Variants in DOCK4 observed in about 807,000 individuals in gnomAD.
The protein encoded by DOCK4 is dedicator of cytokinesis 4.
A neutral mutation model predicts 268.1 loss-of-function variants in DOCK4; 97 were observed. That is an observed-to-expected ratio of 0.36 (90% CI 0.31 to 0.43). The LOEUF is 0.43. Ranked by LOEUF, DOCK4 falls within the 20% of genes least tolerant of loss-of-function variation. DOCK4 has a pLI of 1.00. For synonymous variants in DOCK4, 954 were observed against 887.2 expected (o/e 1.08, Z -1.34); for missense variants, 2,145 against 2,455.7 (o/e 0.87, Z 2.67).
At chr7:112,148,798 T>A (rs1373689462) in intron 1 of DOCK4, among the ~76,000 whole-genome samples, 1 of 152,156 alleles carries the variant, frequency 6.6e-6, no homozygotes, top group African/African-American at 2.4e-5. Context: ...TGATTCAGGT[T>A]TCTGAAAGGA....
chr7:112,164,402 G>C (rs1201513114), intron 1 of DOCK4, among the ~76,000 whole-genome samples: 1 of 152,126 alleles, frequency 6.6e-6, no homozygotes, highest in Non-Finnish European at 1.5e-5. Context: ...CTGTCTTAAA[G>C]TCTGCATATA....
intron 44 of DOCK4, among the ~76,000 whole-genome samples, chr7:111,745,683 TAAAAAA>T (rs781530065): frequency 1.0e-4 from 5 of 49,614 alleles, no homozygotes; most frequent in African/African-American, 3.6e-4. Flanking sequence ...GACTCCGTCT[TAAAAAA>T]AAAAAAAAAA....
chr7:112,149,491 G>C (rs1586924534), intron 1 of DOCK4, among the ~76,000 whole-genome samples: 1 of 151,266 alleles, frequency 6.6e-6, no homozygotes, highest in East Asian at 1.9e-4. Context: ...AGGAAAGAAA[G>C]AAATGACTTA....
chr7:112,054,891 T>A (rs1805680538), intron 1 of DOCK4, among the ~76,000 whole-genome samples: 1 of 152,200 alleles, frequency 6.6e-6, no homozygotes, highest in Non-Finnish European at 1.5e-5. Context: ...TTGTTTCATT[T>A]AAAAAGAAAC....
At chr7:111,781,217 G>A (rs115699512) in intron 35 of DOCK4, among the ~76,000 whole-genome samples, 1,861 of 152,294 alleles carry the variant, frequency 0.012, 44 homozygotes, top group African/African-American at 0.042. Flanking sequence ...AAGGCTTTGA[G>A]GTTATTTATG....
intron 27 of DOCK4, among the ~76,000 whole-genome samples, chr7:111,812,936 A>C (rs963622520): frequency 6.6e-6 from 1 of 152,346 alleles, no homozygotes; most frequent in East Asian, 1.9e-4. Context: ...GGAGATTTTA[A>C]AAAGAAGGAT....
intron 1 of DOCK4, among the ~76,000 whole-genome samples, chr7:112,160,530 C>T (rs941951203): frequency 2.6e-5 from 4 of 152,130 alleles, no homozygotes; most frequent in African/African-American, 9.7e-5. Context: ...GGAAACCTAT[C>T]AAGCTGGCCC....
chr7:112,179,964 G>A (rs965007137), intron 1 of DOCK4, among the ~76,000 whole-genome samples: 10 of 152,114 alleles, frequency 6.6e-5, no homozygotes, highest in African/African-American at 2.4e-4. Context: ...TTAAAACGGG[G>A]TGGAGTGGGG....
At chr7:111,997,449 A>C (rs1346778999) in intron 4 of DOCK4, among the ~76,000 whole-genome samples, 1 of 152,188 alleles carries the variant, frequency 6.6e-6, no homozygotes, top group Non-Finnish European at 1.5e-5. Flanking sequence ...AGTTTTACCC[A>C]TATAGGGAAC....
chr7:112,125,491 C>T (rs1207112141), intron 1 of DOCK4, among the ~76,000 whole-genome samples: 1 of 152,158 alleles, frequency 6.6e-6, no homozygotes, highest in East Asian at 1.9e-4. Flanking sequence ...TATAAAGTCA[C>T]TTCAGTTATA....
At chr7:111,810,090 T>C (rs913395890) in intron 28 of DOCK4, among the ~76,000 whole-genome samples, 4 of 151,518 alleles carry the variant, frequency 2.6e-5, no homozygotes, top group Admixed American at 1.3e-4. Context: ...AGAATCAGTA[T>C]CTGTTATACG....
At chr7:111,989,186 G>A in intron 5 of DOCK4, 23 bp from the exon 6 acceptor site, 1 of 1,613,402 alleles carries the variant, frequency 6.2e-7, no homozygotes, top group East Asian at 2.2e-5. Context: ...CAAATGTGGA[G>A]ATTTGGCAGT....
intron 41 of DOCK4, among the ~76,000 whole-genome samples, chr7:111,757,014 T>G: frequency 6.7e-6 from 1 of 148,992 alleles, no homozygotes; most frequent in Non-Finnish European, 1.5e-5. Flanking sequence ...TTCTGAGGAG[T>G]GAGTAGGAGT....
intron 1 of DOCK4, among the ~76,000 whole-genome samples, chr7:112,048,052 T>C (rs1337296497): frequency 1.3e-5 from 2 of 152,140 alleles, no homozygotes; most frequent in African/African-American, 4.8e-5. Context: ...TGGCCTATTA[T>C]GTGAGTAACT....
At chr7:112,136,786 A>G (rs1385787627) in intron 1 of DOCK4, among the ~76,000 whole-genome samples, 1 of 152,202 alleles carries the variant, frequency 6.6e-6, no homozygotes, top group African/African-American at 2.4e-5. Flanking sequence ...AGACTGATGG[A>G]TAATTTGAAA....
rs1326518739 is a variant in DOCK4, at chr7:111,889,432, C to T, written c.1587+6180G>A. On this transcript the variant is annotated intron_variant, in intron 16 of 52. Coordinates refer to ENST00000428084, the MANE Select transcript of DOCK4 (RefSeq NM_001363540.2). ...CTGGGCAGCAGGCTAGATTGCAATC[C>T]TGTCAGTCTACCTAAATTTTCAGAT... is the stretch of plus-strand genomic sequence containing the variant. Among the ~76,000 whole-genome samples the T allele has an allele frequency of 7.9e-5, 12 of 152,172 alleles. No individual in the cohort carries two copies. In the South Asian group the frequency reaches 8.3e-4, roughly 11 times the overall value.
At chr7:112,091,358 GA>G (rs1188367305) in intron 1 of DOCK4, among the ~76,000 whole-genome samples, 1 of 152,150 alleles carries the variant, frequency 6.6e-6, no homozygotes, top group African/African-American at 2.4e-5. Flanking sequence ...AGGCAGAGAG[GA>G]GGAGAGATGT....
chr7:111,817,518 A>G (rs974054600), intron 27 of DOCK4, among the ~76,000 whole-genome samples: 2 of 152,214 alleles, frequency 1.3e-5, no homozygotes, highest in Non-Finnish European at 2.9e-5. Flanking sequence ...AAGTCTTACC[A>G]CAAAAAACAA....
chr7:111,811,756 T>C, intron 28 of DOCK4, 118 bp downstream of exon 28: 4 of 658,804 alleles, frequency 6.1e-6, no homozygotes, highest in Non-Finnish European at 1.1e-5. Context: ...TAATGAAAAC[T>C]GTTCTAATAT....
Sources: gnomAD v4.1 joint callset for allele counts (sites outside exome capture counted in the v4.1 genomes callset) on GRCh38, gnomAD v4.1.1 for gene constraint, MANE v1.5 for transcripts, NCBI Gene and HGNC (gene_info 2026-07-23, HGNC 2026-07-21) for gene names.